MOXD1: variants seen among roughly 807,000 people sequenced by gnomAD.
MOXD1 encodes the protein DBH-like monooxygenase protein 1.
Under a neutral mutation model 66.6 loss-of-function variants are expected in MOXD1, and 62 were observed. The ratio of observed to expected loss-of-function variants is 0.93; its 90% CI spans 0.76 to 1.15. The LOEUF is 1.15. MOXD1 is among the 50% of genes most tolerant of loss of function. The pLI, the probability that MOXD1 is intolerant of heterozygous loss-of-function variation, is 0.00. For synonymous variants in MOXD1, 303 were observed against 281.9 expected (o/e 1.07, Z -0.75); for missense variants, 847 against 754.6 (o/e 1.12, Z -1.44).
chr6:132,323,655 T>C (rs1005033835), intron 7 of MOXD1, among the ~76,000 whole-genome samples: 1 of 151,992 alleles, frequency 6.6e-6, no homozygotes, highest in African/African-American at 2.4e-5. Flanking sequence ...GTTGAAATTG[T>C]AAAAGATGAT....
intron 10 of MOXD1, among the ~76,000 whole-genome samples, chr6:132,308,663 T>G (rs958777177): frequency 6.6e-6 from 1 of 152,090 alleles, no homozygotes; most frequent in South Asian, 2.1e-4. Flanking sequence ...ATCAAAAAAC[T>G]TATCCACCAC....
intron 1 of MOXD1, among the ~76,000 whole-genome samples, chr6:132,393,633 C>T (rs1582613873): frequency 6.6e-6 from 1 of 152,262 alleles, no homozygotes; most frequent in South Asian, 2.1e-4. Flanking sequence ...TTGTTCTAGA[C>T]AGGGAGCTCA....
Position 132,336,877 on chromosome 6 carries a change from A to C in MOXD1, c.664-8283T>G, listed in dbSNP as rs181932896. On this transcript the variant is annotated intron_variant, in intron 4 of 11. Coordinates refer to ENST00000367963, the MANE Select transcript of MOXD1 (RefSeq NM_015529.4). ...CCTTGCCCTGCCAGCCACAATTGGT[A>C]AGTTCAGGGAAGGGTGCCCAGCCTA... Among the ~76,000 whole-genome samples the C allele has an allele frequency of 4.1e-3, 625 of 152,262 alleles. 5 individuals are homozygous for C. Among genetic ancestry groups the C allele is most frequent in the Middle Eastern group, 0.024 (7 of 294 alleles).
At chr6:132,389,803 C>T (rs1045210984) in intron 1 of MOXD1, among the ~76,000 whole-genome samples, 2 of 151,426 alleles carry the variant, frequency 1.3e-5, no homozygotes, top group African/African-American at 4.8e-5. Flanking sequence ...TAGTGTCTAC[C>T]TGGTTACATC....
At chr6:132,298,313 G>A (rs1381108623) in intron 10 of MOXD1, among the ~76,000 whole-genome samples, 1 of 152,108 alleles carries the variant, frequency 6.6e-6, no homozygotes, top group East Asian at 1.9e-4. Context: ...GAGCCACCAT[G>A]CCCGGTCAAA....
At chr6:132,380,300 T>C (rs1252792550) in intron 1 of MOXD1, among the ~76,000 whole-genome samples, 1 of 152,236 alleles carries the variant, frequency 6.6e-6, no homozygotes, top group Non-Finnish European at 1.5e-5. Flanking sequence ...TTTCCTCACA[T>C]TGAGCCTAAC....
intron 4 of MOXD1, among the ~76,000 whole-genome samples, chr6:132,345,265 T>C (rs1278178829): frequency 1.3e-5 from 2 of 152,204 alleles, no homozygotes; most frequent in African/African-American, 4.8e-5. Context: ...TATCATGTTG[T>C]TGGATTCAGT....
At chr6:132,305,959 T>G (rs2114535916) in intron 10 of MOXD1, among the ~76,000 whole-genome samples, 1 of 152,204 alleles carries the variant, frequency 6.6e-6, no homozygotes, top group East Asian at 1.9e-4. Context: ...CCTCTTCTCC[T>G]CCAAATGATT....
chr6:132,314,660 T>A (rs916883812), intron 10 of MOXD1, among the ~76,000 whole-genome samples: 24 of 152,172 alleles, frequency 1.6e-4, no homozygotes, highest in African/African-American at 5.8e-4. Context: ...AGAATTTGCA[T>A]ATCTCTATAG....
intron 4 of MOXD1, among the ~76,000 whole-genome samples, chr6:132,331,247 A>G (rs1775310968): frequency 6.6e-6 from 1 of 152,210 alleles, no homozygotes; most frequent in African/African-American, 2.4e-5. Context: ...ATTCAGGCAC[A>G]TGTGAGATTT....
rs765210276 is a variant in MOXD1 at position 132,328,486 on chromosome 6, A to G, written c.772T>C (p.Tyr258His). Residue 258 changes from tyrosine to histidine, a missense_variant, in exon 5 of 12, where the codon TAT (tyrosine) becomes CAT (histidine). Coordinates refer to ENST00000367963, the MANE Select transcript of MOXD1 (RefSeq NM_015529.4). Reference protein sequence around the residue: ...DSVLESGHECYHPNMPDAFLT... With the variant: ...DSVLESGHECHHPNMPDAFLT... ...AATGCATCGGGCATGTTGGGGTGATAGCACTCGTGGCCGGACTCCAGAACG... is the reference window on the plus strand; with the variant it reads ...AATGCATCGGGCATGTTGGGGTGATGGCACTCGTGGCCGGACTCCAGAACG... The G allele has an allele frequency of 6.2e-7, 1 of 1,614,172 alleles. No homozygotes were observed. The highest frequency in any genetic ancestry group is 1.1e-5 in the South Asian group (1 of 91,080).
intron 4 of MOXD1, among the ~76,000 whole-genome samples, chr6:132,352,446 G>A (rs1697920328): frequency 6.6e-6 from 1 of 152,176 alleles, no homozygotes; most frequent in Non-Finnish European, 1.5e-5. Context: ...TAGTTTTGAA[G>A]GTTCTGTTTA....
chr6:132,333,092 T>G (rs1167751749), intron 4 of MOXD1, among the ~76,000 whole-genome samples: 1 of 152,104 alleles, frequency 6.6e-6, no homozygotes, highest in Non-Finnish European at 1.5e-5. Flanking sequence ...ATCCCAGCAC[T>G]TTGGGAGGCC....
intron 4 of MOXD1, among the ~76,000 whole-genome samples, chr6:132,340,638 A>ATCTTTTTTTTTTTTTTTTTTTTTT (rs1562287208): frequency 1.0e-5 from 1 of 98,786 alleles, no homozygotes; most frequent in Non-Finnish European, 1.9e-5. Context: ...AACAAGACTC[A>ATCTTTTTTTTTTTTTTTTTTTTTT]TTTTTTTTTT....
intron 8 of MOXD1, among the ~76,000 whole-genome samples, chr6:132,321,979 C>T (rs1030653915): frequency 6.6e-6 from 1 of 152,186 alleles, no homozygotes; most frequent in Non-Finnish European, 1.5e-5. Flanking sequence ...TCTAAAAACC[C>T]TGTCTCCAGC....
chr6:132,391,011 G>T (rs1424114884), intron 1 of MOXD1: 1 of 151,350 alleles, frequency 6.6e-6, no homozygotes, highest in African/African-American at 2.4e-5. Flanking sequence ...TTGCTTTCAG[G>T]AGAAGAAGAG....
chr6:132,375,421 G>A (rs910022351), intron 1 of MOXD1, among the ~76,000 whole-genome samples: 2 of 152,058 alleles, frequency 1.3e-5, no homozygotes, highest in African/African-American at 4.8e-5. Flanking sequence ...TTTGTTCAAC[G>A]GTGTACCTAT....
At chr6:132,335,851 A>G (rs1029239987) in intron 4 of MOXD1, among the ~76,000 whole-genome samples, 1 of 152,236 alleles carries the variant, frequency 6.6e-6, no homozygotes, top group Non-Finnish European at 1.5e-5. Flanking sequence ...CTCATCACAA[A>G]TACACATTTC....
chr6:132,366,921 T>C (rs964466104), intron 4 of MOXD1, among the ~76,000 whole-genome samples: 1 of 152,058 alleles, frequency 6.6e-6, no homozygotes, highest in African/African-American at 2.4e-5. Flanking sequence ...CAATGTCAAT[T>C]ATTCTTAAAT....
Sources: allele counts gnomAD v4.1 joint callset (sites outside exome capture counted in the v4.1 genomes callset), GRCh38; gene constraint gnomAD v4.1.1; transcripts MANE v1.5; gene names NCBI Gene and HGNC (gene_info 2026-07-23, HGNC 2026-07-21).